Variants in TNIP2 observed in about 807,000 individuals in gnomAD.
TNIP2 encodes TNFAIP3 interacting protein 2, also known as TNFAIP3-interacting protein 2.
In TNIP2, 30 loss-of-function variants were observed where a neutral mutation model predicts 43.7. That is an observed-to-expected ratio of 0.69 (90% CI 0.51 to 0.93). TNIP2 has a LOEUF of 0.93. TNIP2 is among the 40% of genes least tolerant of loss of function. The pLI is 0.00. For missense variants in TNIP2, 599 were observed against 591.0 expected (o/e 1.01, Z -0.14); for synonymous variants, 260 against 254.6 (o/e 1.02, Z -0.20).
intron 1 of TNIP2, among the ~76,000 whole-genome samples, chr4:2,752,297 T>G (rs916870298): frequency 2.6e-5 from 4 of 152,152 alleles, no homozygotes; most frequent in Admixed American, 2.6e-4. Context: ...CAGGACCAGG[T>G]TGCACAATGA....
At chr4:2,750,822 T>A (rs933215692) in intron 1 of TNIP2, among the ~76,000 whole-genome samples, 7 of 152,108 alleles carry the variant, frequency 4.6e-5, no homozygotes, top group Non-Finnish European at 5.9e-5. Flanking sequence ...CCTTCCTGCG[T>A]TGGTCAAATG....
Position 2,745,441 on chromosome 4 carries a change from C to G in TNIP2, c.657+5G>C. The G allele has an allele frequency of 6.2e-7, 1 of 1,604,606 alleles. No homozygotes were observed. Among genetic ancestry groups the G allele is most frequent in the East Asian group, 2.2e-5 (1 of 44,834 alleles). On this transcript the variant is annotated splice_donor_5th_base_variant and intron_variant, in intron 3 of 5. Transcript: ENST00000315423. ...CTTCTCAAACGAAATGTGAAAGACA[C>G]TCACGTGAGTCACCTTCTGTTTTAA...
At chr4:2,750,988 G>A (rs1428778576) in intron 1 of TNIP2, among the ~76,000 whole-genome samples, 2 of 152,118 alleles carry the variant, frequency 1.3e-5, no homozygotes, top group East Asian at 3.9e-4. Flanking sequence ...AATAAGACTG[G>A]GCCATACAGA....
At chr4:2,755,975 C>A in intron 1 of TNIP2, 39 bp downstream of exon 1, 1 of 1,509,992 alleles carries the variant, frequency 6.6e-7, no homozygotes, top group Non-Finnish European at 8.8e-7. Context: ...GCCACACGCA[C>A]TCTCGCTCCC....
chr4:2,744,460 T>TC lies in TNIP2; in HGVS notation c.952dup (p.Glu318GlyfsTer6). 6.2e-7 allele frequency: 1 copy of TC among 1,614,192 alleles called. No individual in the cohort carries two copies. The highest frequency in any genetic ancestry group is 8.5e-7 in the Non-Finnish European group (1 of 1,180,020). ...TTCTTGAATCCTACTTTGAGCCCGT[T>TC]CCCGATCGGCCCTTTCTGACATGAA... On this transcript the variant is annotated frameshift_variant, in exon 5 of 6. Coordinates refer to ENST00000315423, the MANE Select transcript of TNIP2 (RefSeq NM_024309.4). LOFTEE classifies it high-confidence loss of function. This position sits in a 1 kb window ranked among gnomAD's most constrained non-coding sequence, Gnocchi z 5.1.
chr4:2,755,942 C>A, intron 1 of TNIP2, 72 bp downstream of exon 1: 1 of 1,444,186 alleles, frequency 6.9e-7, no homozygotes, highest in South Asian at 1.4e-5. Flanking sequence ...CCCGCTCGCT[C>A]ACCCACCCAG....
Position 2,744,933 on chromosome 4 carries a change from T to G in TNIP2, c.670A>C (p.Asn224His). The change falls in exon 4 of 6, where the codon AAT becomes CAT. Residue 224 changes from asparagine (N) to histidine (H), a missense_variant. Transcript: ENST00000315423. The surrounding 1 kb of genome is among the most constrained non-coding windows in gnomAD (Gnocchi z 5.1). ...GCGTTGTAGCGCTGCCACTTGGCAT[T>G]GAGGTCTTCAACCTGAAGAGGTGGA... ...KQKVTHVEDLNAKWQRYNASR... is the reference protein window; with the variant it reads ...KQKVTHVEDLHAKWQRYNASR... 1 of 1,606,400 alleles carries G rather than the reference T, an allele frequency of 6.2e-7. No individual in the cohort carries two copies. The highest frequency in any genetic ancestry group is 8.5e-7 in the Non-Finnish European group (1 of 1,174,014).
chr4:2,745,425 C>T (rs759188015), intron 3 of TNIP2, 21 bp downstream of exon 3: 9 of 1,580,934 alleles, frequency 5.7e-6, no homozygotes, highest in South Asian at 1.1e-5. Context: ...TCTTCTCAAA[C>T]GAAATGTGAA....
chr4:2,748,856 C>A (rs188741822), intron 1 of TNIP2, among the ~76,000 whole-genome samples: 1 of 148,720 alleles, frequency 6.7e-6, no homozygotes, highest in Admixed American at 6.8e-5. Context: ...TGCAGTGGCA[C>A]AATCATGGCT....
chr4:2,744,591 C>A lies in TNIP2; in HGVS notation c.907-85G>T, dbSNP rs1721886769. On this transcript the variant is annotated intron_variant, in intron 4 of 5. Transcript: ENST00000315423. This position sits in a 1 kb window ranked among gnomAD's most constrained non-coding sequence, Gnocchi z 5.1. ...TCTCCCACCCCCACAGTGACCACTG[C>A]CCACTCAGTGCCACCAAGCCTTCAG... 14 of 1,598,646 alleles carry A rather than the reference C, an allele frequency of 8.8e-6. No individual in the cohort carries two copies. Among genetic ancestry groups the A allele is most frequent in the Non-Finnish European group, 9.4e-6 (11 of 1,173,618 alleles).
At chr4:2,755,470 C>T (rs1450508722) in intron 1 of TNIP2, among the ~76,000 whole-genome samples, 1 of 118,984 alleles carries the variant, frequency 8.4e-6, no homozygotes, top group African/African-American at 3.3e-5. Context: ...GCCCTCCCAA[C>T]CCCCCAGGAT....
intron 1 of TNIP2, among the ~76,000 whole-genome samples, chr4:2,752,182 G>A (rs1722120407): frequency 6.6e-6 from 1 of 151,968 alleles, no homozygotes; most frequent in Non-Finnish European, 1.5e-5. Flanking sequence ...AAGAAAACAA[G>A]CAAAGCAAAG....
At chr4:2,755,924 ACCCGGGG>A in intron 1 of TNIP2, 83 bp downstream of exon 1, 1 of 1,383,198 alleles carries the variant, frequency 7.2e-7, no homozygotes, top group East Asian at 3.1e-5. Context: ...ACCCCTCAGG[ACCCGGGG>A]CCCGCTCGCT....
chr4:2,754,050 C>A (rs371037840), intron 1 of TNIP2, among the ~76,000 whole-genome samples: 15 of 152,176 alleles, frequency 9.9e-5, no homozygotes, highest in African/African-American at 3.4e-4. Context: ...GGGACTACAG[C>A]GGCTATTTTA....
intron 1 of TNIP2, among the ~76,000 whole-genome samples, chr4:2,753,871 C>G (rs1305099945): frequency 6.6e-6 from 1 of 152,162 alleles, no homozygotes. Flanking sequence ...AGGGGAGACA[C>G]TGGCTGCTGA....
chr4:2,747,416 C>T (rs916092525), intron 2 of TNIP2: 37 of 484,560 alleles, frequency 7.6e-5, no homozygotes, highest in Middle Eastern at 5.3e-4. Flanking sequence ...GGAGCGGGGT[C>T]GGCCACAGGC....
chr4:2,745,397 A>C, intron 3 of TNIP2, 49 bp downstream of exon 3: 1 of 1,398,316 alleles, frequency 7.2e-7, no homozygotes, highest in Non-Finnish European at 1.0e-6. Context: ...CCTCACTTAC[A>C]GTTTGTAAGC....
intron 3 of TNIP2, 174 bp downstream of exon 3, chr4:2,745,272 G>T: frequency 1.6e-6 from 1 of 630,188 alleles, no homozygotes; most frequent in Admixed American, 2.6e-5. Context: ...AGATGGACAG[G>T]ACATGTCCCG....
intron 2 of TNIP2, among the ~76,000 whole-genome samples, chr4:2,747,199 G>C (rs377578246): frequency 3.9e-5 from 6 of 152,250 alleles, no homozygotes; most frequent in Non-Finnish European, 7.3e-5. Flanking sequence ...CACTGAGCCT[G>C]AAGAAGGCGG....
Sources: allele counts gnomAD v4.1 joint callset (sites outside exome capture counted in the v4.1 genomes callset), GRCh38; gene constraint gnomAD v4.1.1; non-coding constraint Gnocchi (gnomAD v3.1); transcripts MANE v1.5; gene names NCBI Gene and HGNC (gene_info 2026-07-23, HGNC 2026-07-21).